Variants in PRELID2 observed in about 807,000 individuals in gnomAD.
The protein encoded by PRELID2 is PRELI domain-containing protein 2.
PRELID2 carries 25 observed loss-of-function variants against 28.4 expected under a neutral mutation model. The observed-to-expected ratio is 0.88, with a 90% CI of 0.64 to 1.23. PRELID2 has a LOEUF of 1.23. PRELID2 is among the 50% of genes most tolerant of loss of function. The pLI, the probability that PRELID2 is intolerant of heterozygous loss-of-function variation, is 0.00. For missense variants in PRELID2, 201 were observed against 214.4 expected, an observed-to-expected ratio of 0.94 and a Z score of 0.39; for synonymous variants, 76 against 71.6, an observed-to-expected ratio of 1.06 and a Z score of -0.31.
chr5:145,784,557 C>A (rs1187214061), intron 5 of PRELID2, among the ~76,000 whole-genome samples: 1 of 152,008 alleles, frequency 6.6e-6, no homozygotes, highest in Admixed American at 6.5e-5. Flanking sequence ...GCTCAGAAAG[C>A]AACAAGAAAT....
At chr5:145,822,907 G>T (rs2149873919) in intron 2 of PRELID2, among the ~76,000 whole-genome samples, 170 bp downstream of exon 2, 1 of 152,210 alleles carries the variant, frequency 6.6e-6, no homozygotes, top group African/African-American at 2.4e-5. Flanking sequence ...ACCTTTCTAA[G>T]TCACCTCAAG....
intron 1 of PRELID2, among the ~76,000 whole-genome samples, chr5:145,583,799 C>A (rs964662315): frequency 6.6e-6 from 1 of 152,050 alleles, no homozygotes; most frequent in Non-Finnish European, 1.5e-5. Context: ...AGGACACAAA[C>A]ATATGGAAAA....
rs369678584 is a variant in PRELID2, at chr5:145,744,277, C to T, written n.70+20654G>A. On this transcript the variant is annotated intron_variant and non_coding_transcript_variant, in intron 1 of 2. Coordinates refer to the PRELID2 transcript ENST00000510259. ...CCAGCAGACTTAGTCTTTCCTCAGACTTAGTTCTGAGGAATCTGGGCAGAC... is the reference window on the plus strand; with the variant it reads ...CCAGCAGACTTAGTCTTTCCTCAGATTTAGTTCTGAGGAATCTGGGCAGAC... Among the ~76,000 whole-genome samples the T allele has an allele frequency of 1.5e-4, 22 of 150,456 alleles. No individual in the cohort carries two copies. The South Asian group carries it at 4.3e-3, about 30-fold the overall frequency.
chr5:145,588,900 T>C (rs1433946462), intron 1 of PRELID2, among the ~76,000 whole-genome samples: 1 of 151,900 alleles, frequency 6.6e-6, no homozygotes, highest in African/African-American at 2.4e-5. Flanking sequence ...AAAATCGTCA[T>C]TTTCTCCTGA....
intron 1 of PRELID2, among the ~76,000 whole-genome samples, chr5:145,607,002 C>T (rs1753514931): frequency 6.6e-6 from 1 of 152,086 alleles, no homozygotes; most frequent in Admixed American, 6.6e-5. Context: ...TGTACCATTT[C>T]TTCTAGGTTT....
chr5:145,369,293 G>T, the PRELID2 span, among the ~76,000 whole-genome samples: 1 of 151,852 alleles, frequency 6.6e-6, no homozygotes. Context: ...CACCCAACAG[G>T]CCCTGGTGTG....
intron 1 of PRELID2, among the ~76,000 whole-genome samples, chr5:145,680,995 C>T (rs530264302): frequency 5.3e-5 from 8 of 152,326 alleles, no homozygotes; most frequent in Non-Finnish European, 1.0e-4. Context: ...CACACCCTCA[C>T]GACCATGGCA....
chr5:145,532,303 G>A (rs191328763), intron 1 of PRELID2, among the ~76,000 whole-genome samples: 1 of 152,034 alleles, frequency 6.6e-6, no homozygotes, highest in East Asian at 1.9e-4. Context: ...GATCATCGAT[G>A]TAAGACTCTT....
At chr5:145,825,089 G>T (rs1050570996) in intron 1 of PRELID2, among the ~76,000 whole-genome samples, 1 of 151,680 alleles carries the variant, frequency 6.6e-6, no homozygotes, top group African/African-American at 2.4e-5. Flanking sequence ...AGCCAGATGT[G>T]GTGGTGCATG....
At chr5:145,785,027 G>A (rs986778978) in intron 5 of PRELID2, among the ~76,000 whole-genome samples, 6 of 151,592 alleles carry the variant, frequency 4.0e-5, no homozygotes, top group Non-Finnish European at 7.4e-5. Flanking sequence ...CCTGTACCAC[G>A]GTATATCTAA....
chr5:145,718,837 T>C (rs1755910931), intron 1 of PRELID2, among the ~76,000 whole-genome samples: 1 of 151,996 alleles, frequency 6.6e-6, no homozygotes. Context: ...GTTTCCTCCA[T>C]AATATTACAT....
chr5:145,563,515 A>G (rs1250032854), intron 1 of PRELID2, among the ~76,000 whole-genome samples: 1 of 152,230 alleles, frequency 6.6e-6, no homozygotes, highest in Non-Finnish European at 1.5e-5. Context: ...AACTTTCCAG[A>G]TGAGGAACTG....
At chr5:145,567,349 TG>T (rs1752975881) in intron 1 of PRELID2, among the ~76,000 whole-genome samples, 3 of 145,442 alleles carry the variant, frequency 2.1e-5, no homozygotes, top group African/African-American at 7.5e-5. Flanking sequence ...TCTGATGGTT[TG>T]GTTTGGTTTG....
the PRELID2 span, among the ~76,000 whole-genome samples, chr5:145,307,317 C>T: frequency 3.9e-5 from 6 of 152,174 alleles, no homozygotes; most frequent in Admixed American, 3.9e-4. Context: ...GAGGGAGGCT[C>T]ACACAGCAGG....
intron 1 of PRELID2, among the ~76,000 whole-genome samples, chr5:145,600,413 A>AG (rs199718324): frequency 0.015 from 1,723 of 118,264 alleles, 87 homozygotes; most frequent in African/African-American, 0.058. Context: ...AGCTTCTCTC[A>AG]GGGGGGGAAA....
the PRELID2 span, among the ~76,000 whole-genome samples, chr5:145,382,223 TAGTAAA>T: frequency 3.3e-5 from 5 of 151,854 alleles, no homozygotes; most frequent in African/African-American, 4.8e-5. Flanking sequence ...AAAGAACAGA[TAGTAAA>T]AGACTGAAAA....
chr5:145,535,128 T>C (rs1478709230), intron 1 of PRELID2, among the ~76,000 whole-genome samples: 2 of 151,928 alleles, frequency 1.3e-5, no homozygotes, highest in African/African-American at 4.8e-5. Context: ...TTTCCCCCTA[T>C]GTATCTCCTT....
chr5:145,500,584 C>A (rs555477818), intron 1 of PRELID2, among the ~76,000 whole-genome samples: 1 of 152,256 alleles, frequency 6.6e-6, no homozygotes, highest in Admixed American at 6.5e-5. Context: ...GCCCACAGAA[C>A]TATGGAGAGC....
intron 1 of PRELID2, among the ~76,000 whole-genome samples, chr5:145,542,779 TTC>T (rs1561502908): frequency 1.4e-5 from 2 of 142,006 alleles, no homozygotes; most frequent in African/African-American, 6.1e-5. Flanking sequence ...CTTTCTTTCT[TTC>T]TTTCTGTCTT....
Sources: gnomAD v4.1 joint callset for allele counts (sites outside exome capture counted in the v4.1 genomes callset) on GRCh38, gnomAD v4.1.1 for gene constraint, MANE v1.5 for transcripts, NCBI Gene and HGNC (gene_info 2026-07-23, HGNC 2026-07-21) for gene names.